The following EIF3K variants were observed in gnomAD, a reference collection of about 807,000 sequenced individuals.
EIF3K encodes the protein eukaryotic translation initiation factor 3 subunit K, also known as eIF-3 p28.
A neutral mutation model predicts 34.2 loss-of-function variants in EIF3K; 27 were observed. The observed-to-expected ratio is 0.79, with a 90% CI of 0.58 to 1.09. EIF3K has a LOEUF of 1.09. Ranked by LOEUF, EIF3K falls within the 50% of genes least tolerant of loss-of-function variation. EIF3K has a pLI of 0.00. For synonymous variants in EIF3K, 105 were observed against 105.7 expected (o/e 0.99, Z 0.04); for missense variants, 232 against 275.4 (o/e 0.84, Z 1.11).
At chr19:38,626,131 G>A (rs776245412) in intron 4 of EIF3K, 29 bp downstream of exon 4, 32 of 1,603,768 alleles carry the variant, frequency 2.0e-5, no homozygotes, top group Non-Finnish European at 2.6e-5. Flanking sequence ...AGGGGCAGGG[G>A]AGATGGCAGG....
intron 3 of EIF3K, among the ~76,000 whole-genome samples, chr19:38,625,443 G>A (rs1424085166): frequency 6.6e-6 from 1 of 151,488 alleles, no homozygotes; most frequent in African/African-American, 2.4e-5. Context: ...TAGGATTACA[G>A]ATGTGAGCCA....
chr19:38,624,224 G>A lies in EIF3K; in HGVS notation c.279+27G>A, dbSNP rs149505188. On this transcript the variant is annotated intron_variant, in intron 3 of 7. Coordinates refer to ENST00000248342, the MANE Select transcript of EIF3K (RefSeq NM_013234.4). ...TATCCTTCCAGCACTGGGGCCGGGG[G>A]GTGTGTGGGAAGGGGTCAGAGTCAA... 4.0e-4 allele frequency: 650 copies of A among 1,613,698 alleles called. 5 individuals are homozygous for A. In the African/African-American group the frequency reaches 7.7e-3, roughly 19 times the overall value.
chr19:38,619,387 G>C (rs2066791085), intron 1 of EIF3K, 60 bp downstream of exon 1: 1 of 1,593,782 alleles, frequency 6.3e-7, no homozygotes, highest in Non-Finnish European at 8.6e-7. Flanking sequence ...GGGTTTTCCG[G>C]AGACAGCAAG....
chr19:38,622,910 T>C (rs545942928), intron 2 of EIF3K, among the ~76,000 whole-genome samples: 1 of 152,384 alleles, frequency 6.6e-6, no homozygotes, highest in South Asian at 2.1e-4. Context: ...AGTCAGAGTT[T>C]AAGGTTCTCT....
chr19:38,630,328 ATTATTTAT>A (rs1191157434), intron 4 of EIF3K, among the ~76,000 whole-genome samples: 116 of 145,860 alleles, frequency 8.0e-4, no homozygotes, highest in South Asian at 2.2e-3. Flanking sequence ...ACCCGGTTTA[ATTATTTAT>A]TTATTTATTT....
intron 4 of EIF3K, among the ~76,000 whole-genome samples, chr19:38,629,805 C>T (rs1269643066): frequency 6.6e-6 from 1 of 152,110 alleles, no homozygotes; most frequent in African/African-American, 2.4e-5. Flanking sequence ...AGCAGGGAAG[C>T]CCCTGTGGCT....
chr19:38,622,409 A>C (rs998024478), intron 2 of EIF3K, among the ~76,000 whole-genome samples: 1 of 152,266 alleles, frequency 6.6e-6, no homozygotes, highest in Admixed American at 6.5e-5. Flanking sequence ...CACAAGCCAC[A>C]AAAACCAGCA....
chr19:38,629,000 G>C (rs1188591549), intron 4 of EIF3K, among the ~76,000 whole-genome samples: 2 of 152,040 alleles, frequency 1.3e-5, no homozygotes, highest in African/African-American at 4.8e-5. Flanking sequence ...AGCCACTGTA[G>C]AAATTGCACC....
intron 7 of EIF3K, among the ~76,000 whole-genome samples, chr19:38,636,384 G>C (rs1399898799): frequency 6.6e-6 from 1 of 152,176 alleles, no homozygotes; most frequent in Admixed American, 6.6e-5. Context: ...TCAGGAGGCT[G>C]AGGCAGGAGA....
intron 2 of EIF3K, among the ~76,000 whole-genome samples, chr19:38,621,456 T>C (rs1171146637): frequency 6.6e-6 from 1 of 152,214 alleles, no homozygotes; most frequent in African/African-American, 2.4e-5. Context: ...TACAGGCTAA[T>C]ACATTAAGCA....
At position 38,632,359 on chromosome 19, in the gene EIF3K, CTA is replaced by C. The variant is rs1568657007; in HGVS notation, c.355-68_355-67del. Reference sequence around the variant, plus strand: ...TGGGCAACGTAGTGAGACCCCATCTCTATAAATAAATAAAAATAAAAGCAAAT... The same window carrying C: ...TGGGCAACGTAGTGAGACCCCATCTCTAAATAAATAAAAATAAAAGCAAAT... On this transcript the variant is annotated intron_variant, in intron 4 of 7. Coordinates refer to ENST00000248342, the MANE Select transcript of EIF3K (RefSeq NM_013234.4). The C allele has an allele frequency of 2.7e-6, 4 of 1,473,012 alleles. No individual in the cohort carries two copies. The African/African-American group carries it at 5.7e-5, about 21-fold the overall frequency. 91.2% of individuals were successfully genotyped at this position (1,473,012 alleles called of 1,614,324 possible).
chr19:38,631,724 C>T (rs567436349), intron 4 of EIF3K, among the ~76,000 whole-genome samples: 1 of 152,248 alleles, frequency 6.6e-6, no homozygotes, highest in South Asian at 2.1e-4. Flanking sequence ...TCCCTTCCCA[C>T]GAGGCCATAT....
In EIF3K at chr19:38,623,996, A is replaced by G. The variant is rs576368078; in HGVS notation, c.159-81A>G. The G allele has an allele frequency of 6.0e-4, 953 of 1,599,012 alleles. 9 individuals are homozygous for G. The South Asian group carries it at 8.6e-3, about 15-fold the overall frequency. Reference sequence around the variant, plus strand: ...GCATGTCCAATTCCCAAACTCCAGAATAAAGCAGCTGCCTGGCACCTGGTG... The same window carrying G: ...GCATGTCCAATTCCCAAACTCCAGAGTAAAGCAGCTGCCTGGCACCTGGTG... On this transcript the variant is annotated intron_variant, in intron 2 of 7. Transcript: ENST00000248342.
At chr19:38,626,313 T>G in intron 4 of EIF3K, 1 of 590,278 alleles carries the variant, frequency 1.7e-6, no homozygotes, top group Non-Finnish European at 3.0e-6. Context: ...CCCTTTCCCC[T>G]TTCTCCCATC....
chr19:38,632,707 C>G (rs779750462), intron 6 of EIF3K, 29 bp downstream of exon 6: 3 of 1,590,924 alleles, frequency 1.9e-6, no homozygotes, highest in Non-Finnish European at 1.7e-6. Flanking sequence ...TGGTGCACAT[C>G]TGGGAGGTTG....
Position 38,626,369 on chromosome 19 carries a change from AGTGGCTGG to A in EIF3K, c.354+271_354+278del, listed in dbSNP as rs565763985. 5 of 432,222 alleles carry A rather than the reference AGTGGCTGG, an allele frequency of 1.2e-5. No individual in the cohort carries two copies. The South Asian group carries it at 2.0e-4, about 17-fold the overall frequency. 26.8% of individuals were successfully genotyped at this position (432,222 alleles called of 1,614,324 possible). ...ACACACCGTTGATCAGAAGTCCTCC[AGTGGCTGG>A]GTGTAGTGACTCACCCCCGTGATTC... is the stretch of plus-strand genomic sequence containing the variant. On this transcript the variant is annotated intron_variant, in intron 4 of 7. Transcript: ENST00000248342.
intron 1 of EIF3K, among the ~76,000 whole-genome samples, chr19:38,619,855 A>G (rs1480086589): frequency 6.6e-6 from 1 of 152,228 alleles, no homozygotes; most frequent in African/African-American, 2.4e-5. Flanking sequence ...TTCCCTTTCC[A>G]TAAGGGAGAC....
At chr19:38,632,578 G>T in intron 5 of EIF3K, 23 bp from the exon 6 acceptor site, 1 of 1,613,506 alleles carries the variant, frequency 6.2e-7, no homozygotes, top group Non-Finnish European at 8.5e-7. Flanking sequence ...GCTGCTCACC[G>T]GTTTTGTCTC....
intron 1 of EIF3K, 111 bp downstream of exon 1, chr19:38,619,438 TCTATCCTC>T (rs1332367939): frequency 8.2e-7 from 1 of 1,224,386 alleles, no homozygotes. Flanking sequence ...GTGGGGTTTC[TCTATCCTC>T]CTGGAGGAGG....
Sources: allele counts gnomAD v4.1 joint callset (sites outside exome capture counted in the v4.1 genomes callset), GRCh38; gene constraint gnomAD v4.1.1; transcripts MANE v1.5; gene names NCBI Gene and HGNC (gene_info 2026-07-23, HGNC 2026-07-21).